Variants in CACNA2D3 observed in about 807,000 individuals in gnomAD.
CACNA2D3 encodes the protein voltage-dependent calcium channel subunit alpha-2/delta-3.
A neutral mutation model predicts 160.6 loss-of-function variants in CACNA2D3; 60 were observed. That is an observed-to-expected ratio of 0.37 (90% CI 0.30 to 0.46). CACNA2D3 has a LOEUF of 0.46. Among genes scored for constraint, CACNA2D3 ranks in the 20% least tolerant of loss-of-function variants. The pLI, the probability that CACNA2D3 is intolerant of heterozygous loss-of-function variation, is 1.00. For synonymous variants in CACNA2D3, 558 were observed against 492.9 expected, an observed-to-expected ratio of 1.13 and a Z score of -1.75; for missense variants, 1,205 against 1,365.0, an observed-to-expected ratio of 0.88 and a Z score of 1.85.
chr3:54,252,605 T>C (rs1702216352), intron 2 of CACNA2D3, among the ~76,000 whole-genome samples: 1 of 152,214 alleles, frequency 6.6e-6, no homozygotes, highest in Admixed American at 6.5e-5. Context: ...CTCCTGTCTT[T>C]GGTCTCTGCA....
intron 3 of CACNA2D3, among the ~76,000 whole-genome samples, chr3:54,379,494 A>G (rs1269460180): frequency 1.3e-5 from 2 of 152,234 alleles, no homozygotes; most frequent in East Asian, 3.9e-4. Context: ...CAGTTGCAGC[A>G]TTGCAGGGTG....
intron 34 of CACNA2D3, among the ~76,000 whole-genome samples, chr3:55,014,103 C>T (rs993689071): frequency 2.0e-5 from 3 of 152,146 alleles, no homozygotes; most frequent in Non-Finnish European, 4.4e-5. Flanking sequence ...CGTTTCTGAG[C>T]TTTAGTTTCT....
At chr3:54,657,990 C>T (rs921925116) in intron 11 of CACNA2D3, among the ~76,000 whole-genome samples, 5 of 152,158 alleles carry the variant, frequency 3.3e-5, no homozygotes, top group Non-Finnish European at 7.3e-5. Flanking sequence ...TGCTTTCCTG[C>T]CTGAGCAACA....
intron 13 of CACNA2D3, among the ~76,000 whole-genome samples, chr3:54,764,893 A>T (rs907677092): frequency 6.6e-6 from 1 of 152,196 alleles, no homozygotes; most frequent in Non-Finnish European, 1.5e-5. Context: ...TCTAAAGCCG[A>T]ATTCTAAACA....
rs138376550 is a variant in CACNA2D3, at chr3:54,336,668, T to C, written c.321+16110T>C. 3.1e-4 allele frequency among the ~76,000 whole-genome samples: 47 copies of C among 152,312 alleles called. No individual in the cohort carries two copies. The East Asian group carries it at 5.0e-3, about 16-fold the overall frequency. ...AGTAAAGGTGAGGTGAGAAGGCCAG[T>C]TGCAGCCTGGTTTTTGAAGGCAGCT... On this transcript the variant is annotated intron_variant, in intron 3 of 37. Transcript: ENST00000474759.
chr3:54,697,408 G>C (rs1014444352), intron 11 of CACNA2D3, among the ~76,000 whole-genome samples: 4 of 152,140 alleles, frequency 2.6e-5, no homozygotes, highest in African/African-American at 7.2e-5. Flanking sequence ...TAAAGTTTGA[G>C]GACCACTGTC....
intron 13 of CACNA2D3, among the ~76,000 whole-genome samples, chr3:54,799,654 A>AG (rs1320404384): frequency 6.6e-6 from 1 of 152,188 alleles, no homozygotes; most frequent in Non-Finnish European, 1.5e-5. Flanking sequence ...GGGAATATGA[A>AG]GACCCTTTCA....
At chr3:54,626,466 C>T in intron 9 of CACNA2D3, 2 of 1,603,304 alleles carry the variant, frequency 1.2e-6, no homozygotes, top group Non-Finnish European at 1.7e-6. Context: ...ACGTGATCAT[C>T]CTGCCCGAGA....
chr3:54,880,001 A>G lies in CACNA2D3; in HGVS notation c.1844+590A>G, dbSNP rs150950414. The stretch of plus-strand genomic sequence containing the variant: ...AGTGTTGTAATTCATTTTGTAAAAA[A>G]TTATTTCAGTAAGCCTGCTTCATAT... On this transcript the variant is annotated intron_variant, in intron 20 of 37. Coordinates refer to ENST00000474759, the MANE Select transcript of CACNA2D3 (RefSeq NM_018398.3). Among the ~76,000 whole-genome samples, 206 of 152,352 alleles carry G rather than the reference A, an allele frequency of 1.4e-3. 1 individual carries two copies. Among genetic ancestry groups the G allele is most frequent in the African/African-American group, 4.8e-3 (201 of 41,584 alleles).
chr3:54,934,231 C>T (rs1701274279), intron 27 of CACNA2D3, among the ~76,000 whole-genome samples: 1 of 152,148 alleles, frequency 6.6e-6, no homozygotes, highest in Non-Finnish European at 1.5e-5. Context: ...ATTTTATGCC[C>T]TAAGGTCATT....
At chr3:55,040,007 A>T (rs1703922647) in intron 35 of CACNA2D3, among the ~76,000 whole-genome samples, 2 of 152,080 alleles carry the variant, frequency 1.3e-5, no homozygotes, top group Admixed American at 6.5e-5. Context: ...TAAATAGTAG[A>T]CATTTATTTC....
chr3:54,149,784 A>G (rs1576960253), intron 2 of CACNA2D3, among the ~76,000 whole-genome samples: 1 of 152,070 alleles, frequency 6.6e-6, no homozygotes, highest in East Asian at 1.9e-4. Flanking sequence ...TGAGATTTAA[A>G]GAAGTTTGGT....
intron 4 of CACNA2D3, among the ~76,000 whole-genome samples, chr3:54,462,300 G>A (rs1415589486): frequency 2.0e-5 from 3 of 152,164 alleles, no homozygotes; most frequent in Admixed American, 6.5e-5. Context: ...GGTCCACTTG[G>A]TGCAGAGCTG....
intron 13 of CACNA2D3, among the ~76,000 whole-genome samples, chr3:54,772,142 T>C (rs1702332671): frequency 6.7e-6 from 1 of 149,008 alleles, no homozygotes; most frequent in Admixed American, 6.8e-5. Context: ...AGGTAAGTAT[T>C]TGTTGATTAT....
At position 54,320,544 on chromosome 3, in the gene CACNA2D3, T is replaced by G. The variant is rs1159601632; in HGVS notation, c.307T>G (p.Ser103Ala). 21 of 1,556,900 alleles carry G rather than the reference T, an allele frequency of 1.3e-5. No individual in the cohort carries two copies. Among genetic ancestry groups the G allele is most frequent in the Non-Finnish European group, 1.8e-5 (21 of 1,149,396 alleles). ...KNMEEMFHKKSEAVRRLVEAA... is the reference protein window; with the variant it reads ...KNMEEMFHKKAEAVRRLVEAA... ...CATGGAAGAGATGTTTCACAAGAAG[T>G]CTGAGGCCGTCAGGGTAAGTGCCTA... Residue 103 changes from serine to alanine, a missense_variant, in exon 3 of 38, where the codon TCT (serine) becomes GCT (alanine). Coordinates refer to ENST00000474759, the MANE Select transcript of CACNA2D3 (RefSeq NM_018398.3).
intron 23 of CACNA2D3, 58 bp downstream of exon 23, chr3:54,885,644 C>G (rs2106853495): frequency 7.3e-7 from 1 of 1,370,714 alleles, no homozygotes; most frequent in Non-Finnish European, 1.0e-6. Flanking sequence ...GGAATGAACT[C>G]AAAACATTTT....
At chr3:55,029,116 C>T (rs1703628116) in intron 35 of CACNA2D3, among the ~76,000 whole-genome samples, 1 of 152,090 alleles carries the variant, frequency 6.6e-6, no homozygotes, top group African/African-American at 2.4e-5. Flanking sequence ...CAGTGAGTGC[C>T]CTGCAGGTGT....
intron 14 of CACNA2D3, among the ~76,000 whole-genome samples, chr3:54,822,816 TTTC>T (rs769553231): frequency 0.016 from 1,891 of 121,098 alleles, 61 homozygotes; most frequent in Middle Eastern, 0.027. Flanking sequence ...TCTTTCTTTC[TTTC>T]TTTCTTTCTT....
At chr3:54,320,845 C>T (rs1451316872) in intron 3 of CACNA2D3, among the ~76,000 whole-genome samples, 1 of 152,192 alleles carries the variant, frequency 6.6e-6, no homozygotes, top group Non-Finnish European at 1.5e-5. Flanking sequence ...CTGTATGATG[C>T]ATTCAGTAAT....
Sources: allele counts gnomAD v4.1 joint callset (sites outside exome capture counted in the v4.1 genomes callset), GRCh38; gene constraint gnomAD v4.1.1; transcripts MANE v1.5; gene names NCBI Gene and HGNC (gene_info 2026-07-23, HGNC 2026-07-21).